TNFSF4: variants seen among roughly 807,000 people sequenced by gnomAD.
The protein encoded by TNFSF4 is TNF superfamily member 4.
Under a neutral mutation model 7.3 loss-of-function variants are expected in TNFSF4, and 4 were observed. That is an observed-to-expected ratio of 0.55 (90% CI 0.27 to 1.25). The LOEUF (loss-of-function observed/expected upper bound fraction) is 1.25. TNFSF4 is among the 50% of genes most tolerant of loss of function. The pLI, the probability that TNFSF4 is intolerant of heterozygous loss-of-function variation, is 0.12. For missense variants in TNFSF4, 181 were observed against 208.8 expected, an observed-to-expected ratio of 0.87 and a Z score of 0.82; for synonymous variants, 76 against 83.7, an observed-to-expected ratio of 0.91 and a Z score of 0.50.
At chr1:173,241,921 G>A in the TNFSF4 span, among the ~76,000 whole-genome samples, 1 of 152,208 alleles carries the variant, frequency 6.6e-6, no homozygotes, top group Non-Finnish European at 1.5e-5. Flanking sequence ...TGCATTGCGT[G>A]AGACTCTGTT....
the TNFSF4 span, among the ~76,000 whole-genome samples, chr1:173,245,774 A>G: frequency 6.6e-6 from 1 of 152,026 alleles, no homozygotes; most frequent in African/African-American, 2.4e-5. Flanking sequence ...CTGCTGACCA[A>G]TATTTTACTC....
the TNFSF4 span, among the ~76,000 whole-genome samples, chr1:173,373,180 A>G: frequency 2.6e-5 from 4 of 152,172 alleles, no homozygotes; most frequent in African/African-American, 4.8e-5. Context: ...CCCAATAAAT[A>G]CCACAAGAAA....
chr1:173,338,195 A>C, the TNFSF4 span, among the ~76,000 whole-genome samples: 3 of 152,208 alleles, frequency 2.0e-5, no homozygotes, highest in Non-Finnish European at 2.9e-5. Context: ...ACCTGGTGGT[A>C]GGCTGATTAC....
At chr1:173,215,068 A>T in the TNFSF4 span, among the ~76,000 whole-genome samples, 1 of 152,134 alleles carries the variant, frequency 6.6e-6, no homozygotes, top group Non-Finnish European at 1.5e-5. Context: ...TTTGGAAAGT[A>T]GTCGAGTCAT....
chr1:173,440,883 C>T, the TNFSF4 span: 18 of 152,202 alleles, frequency 1.2e-4, no homozygotes, highest in African/African-American at 4.3e-4. Context: ...ACAGGCTATA[C>T]ATATTAATAC....
the TNFSF4 span, among the ~76,000 whole-genome samples, chr1:173,307,563 T>C: frequency 1.3e-5 from 2 of 151,970 alleles, no homozygotes; most frequent in Admixed American, 6.6e-5. Context: ...ATTAACTCTA[T>C]ATCAGATAAT....
chr1:173,228,878 G>T, the TNFSF4 span, among the ~76,000 whole-genome samples: 1 of 152,106 alleles, frequency 6.6e-6, no homozygotes, highest in African/African-American at 2.4e-5. Context: ...GAAGTTTAGA[G>T]AAAAAAGAGT....
At chr1:173,359,229 G>C in the TNFSF4 span, among the ~76,000 whole-genome samples, 218 of 152,136 alleles carry the variant, frequency 1.4e-3, 1 homozygote, top group African/African-American at 4.8e-3. Flanking sequence ...AATGTCCAAA[G>C]CCTAGCCCGT....
At chr1:173,297,677 G>A in the TNFSF4 span, among the ~76,000 whole-genome samples, 3 of 151,904 alleles carry the variant, frequency 2.0e-5, no homozygotes, top group African/African-American at 4.8e-5. Flanking sequence ...ATGCAAGGCA[G>A]CCCACACTGG....
chr1:173,214,591 A>T, the TNFSF4 span, among the ~76,000 whole-genome samples: 1 of 152,180 alleles, frequency 6.6e-6, no homozygotes, highest in Admixed American at 6.5e-5. Context: ...GCTAAAAAAA[A>T]GAATTGCAAA....
At chr1:173,313,965 C>A in the TNFSF4 span, among the ~76,000 whole-genome samples, 1 of 151,896 alleles carries the variant, frequency 6.6e-6, no homozygotes, top group Non-Finnish European at 1.5e-5. Context: ...TATTTTTTTA[C>A]TTCTTGTCTT....
At chr1:173,215,649 G>A in the TNFSF4 span, among the ~76,000 whole-genome samples, 2 of 152,268 alleles carry the variant, frequency 1.3e-5, no homozygotes, top group East Asian at 1.9e-4. Flanking sequence ...CCTTTTTAGT[G>A]TTTATTGTTT....
the TNFSF4 span, among the ~76,000 whole-genome samples, chr1:173,236,551 T>G: frequency 1.3e-5 from 2 of 152,166 alleles, no homozygotes; most frequent in Non-Finnish European, 2.9e-5. Context: ...ATGTTTATTG[T>G]TTAGTCACAA....
At chr1:173,350,926 A>C in the TNFSF4 span, among the ~76,000 whole-genome samples, 2 of 152,192 alleles carry the variant, frequency 1.3e-5, no homozygotes, top group Non-Finnish European at 2.9e-5. Context: ...GAGGGTATGG[A>C]AAAGCTCCAA....
the TNFSF4 span, among the ~76,000 whole-genome samples, chr1:173,411,984 T>C: frequency 4.6e-5 from 7 of 151,390 alleles, no homozygotes; most frequent in African/African-American, 1.5e-4. Flanking sequence ...CTGGGTATGG[T>C]GGTGGGCGCT....
the TNFSF4 span, among the ~76,000 whole-genome samples, chr1:173,252,899 G>T: frequency 1.3e-5 from 2 of 152,188 alleles, no homozygotes; most frequent in Non-Finnish European, 2.9e-5. Flanking sequence ...ATGATTACAA[G>T]CTTCCTTCTA....
chr1:173,276,616 G>A, the TNFSF4 span, among the ~76,000 whole-genome samples: 19 of 152,286 alleles, frequency 1.2e-4, no homozygotes, highest in Admixed American at 1.3e-4. Context: ...GTTAGCTCCT[G>A]TGGCCATGAT....
At chr1:173,175,939 T>C in the TNFSF4 span, among the ~76,000 whole-genome samples, 1 of 152,170 alleles carries the variant, frequency 6.6e-6, no homozygotes, top group Non-Finnish European at 1.5e-5. Flanking sequence ...TCATGGTTTT[T>C]TGTTTTTTTG....
chr1:173,181,747 G>A (rs1649058199), downstream of TNFSF4, among the ~76,000 whole-genome samples: 2 of 152,204 alleles, frequency 1.3e-5, no homozygotes, highest in Admixed American at 6.5e-5. Flanking sequence ...GGGATGGAGG[G>A]AAGGTAAGGC....
Sources: gnomAD v4.1 joint callset for allele counts (sites outside exome capture counted in the v4.1 genomes callset) on GRCh38, gnomAD v4.1.1 for gene constraint, MANE v1.5 for transcripts, NCBI Gene and HGNC (gene_info 2026-07-23, HGNC 2026-07-21) for gene names.